The following ALDH1A1 variants were observed in gnomAD, a reference collection of about 807,000 sequenced individuals.
The protein encoded by ALDH1A1 is aldehyde dehydrogenase 1 family member A1, also known as aldehyde dehydrogenase 1A1.
In ALDH1A1, 19 loss-of-function variants were observed where a neutral mutation model predicts 62.1. The observed-to-expected ratio is 0.31, with a 90% CI of 0.21 to 0.45. The LOEUF (loss-of-function observed/expected upper bound fraction) is 0.45. Ranked by LOEUF, ALDH1A1 falls within the 20% of genes least tolerant of loss-of-function variation. The pLI is 1.00. For missense variants in ALDH1A1, 521 were observed against 607.1 expected, an observed-to-expected ratio of 0.86 and a Z score of 1.49; for synonymous variants, 231 against 215.9, an observed-to-expected ratio of 1.07 and a Z score of -0.61.
At chr9:72,931,227 C>T (rs559461247) in intron 2 of ALDH1A1, among the ~76,000 whole-genome samples, 290 of 152,184 alleles carry the variant, frequency 1.9e-3, no homozygotes, top group Non-Finnish European at 2.5e-3. Context: ...CTCCACGTAC[C>T]TAGCACATGC....
rs1564627907 is a variant in ALDH1A1 at position 72,917,104 on chromosome 9, A to C, written c.851T>G (p.Leu284Trp). 6.5e-7 allele frequency: 1 copy of C among 1,543,802 alleles called. No homozygotes were observed. The change falls in exon 9 of 13, where the codon TTG becomes TGG. Residue 284 changes from leucine (L) to tryptophan (W), a missense_variant and splice_region_variant. Coordinates refer to ENST00000297785, the MANE Select transcript of ALDH1A1 (RefSeq NM_000689.5). The part of the protein sequence containing the change: ...SPCIVLADAD[L>W]DNAVEFAHHG... ...GTGTGCAAATTCAACAGCATTGTCCACTGCGAAGAAGACATTCACATTAAA... is the reference window on the plus strand; with the variant it reads ...GTGTGCAAATTCAACAGCATTGTCCCCTGCGAAGAAGACATTCACATTAAA...
At chr9:72,920,930 T>A (rs1830132543) in intron 7 of ALDH1A1, among the ~76,000 whole-genome samples, 1 of 152,194 alleles carries the variant, frequency 6.6e-6, no homozygotes, top group Non-Finnish European at 1.5e-5. Flanking sequence ...ATGTCTTGCA[T>A]AATGTGGGTA....
intron 2 of ALDH1A1, among the ~76,000 whole-genome samples, chr9:72,934,804 T>C (rs1830328717): frequency 6.6e-6 from 1 of 152,170 alleles, no homozygotes; most frequent in Admixed American, 6.5e-5. Context: ...GGTTTATAAA[T>C]GAATAGACTA....
intron 2 of ALDH1A1, among the ~76,000 whole-genome samples, chr9:72,937,108 T>C (rs1830355593): frequency 6.6e-6 from 1 of 152,130 alleles, no homozygotes; most frequent in Non-Finnish European, 1.5e-5. Flanking sequence ...TAGTACTAAA[T>C]TCCTAAGGTG....
chr9:72,904,044 A>AT (rs1588128470), intron 12 of ALDH1A1, among the ~76,000 whole-genome samples: 1 of 152,094 alleles, frequency 6.6e-6, no homozygotes, highest in African/African-American at 2.4e-5. Flanking sequence ...GGGATTTAAT[A>AT]TTCAGTATGT....
At chr9:72,945,659 A>T (rs1830466210) in intron 1 of ALDH1A1, among the ~76,000 whole-genome samples, 1 of 151,936 alleles carries the variant, frequency 6.6e-6, no homozygotes, top group South Asian at 2.1e-4. Flanking sequence ...ATGAGATCGG[A>T]GATGAATAAT....
chr9:72,937,326 C>A (rs1830358144), intron 2 of ALDH1A1, among the ~76,000 whole-genome samples: 1 of 152,182 alleles, frequency 6.6e-6, no homozygotes, highest in Non-Finnish European at 1.5e-5. Flanking sequence ...GACAAATTAA[C>A]CTATAGCTGT....
intron 8 of ALDH1A1, among the ~76,000 whole-genome samples, chr9:72,917,418 A>G (rs1344573539): frequency 1.3e-5 from 2 of 152,096 alleles, no homozygotes; most frequent in Admixed American, 6.5e-5. Context: ...AATATCTCCA[A>G]TTATATAATT....
At chr9:72,940,317 ATAAACT>A in intron 1 of ALDH1A1, 65 bp from the exon 2 acceptor site, 1 of 1,186,268 alleles carries the variant, frequency 8.4e-7, no homozygotes, top group Non-Finnish European at 1.3e-6. Flanking sequence ...GGAAGTTTTC[ATAAACT>A]TAAACTAAAG....
chr9:72,903,651 G>T (rs1829835767), intron 12 of ALDH1A1, among the ~76,000 whole-genome samples: 1 of 149,952 alleles, frequency 6.7e-6, no homozygotes. Context: ...GTATTTGAAA[G>T]AAATTATCTA....
intron 1 of ALDH1A1, among the ~76,000 whole-genome samples, chr9:72,944,620 T>C (rs1201619895): frequency 2.6e-5 from 4 of 152,108 alleles, no homozygotes; most frequent in African/African-American, 9.7e-5. Context: ...GAATGTTTGT[T>C]ATAATAATTA....
At chr9:72,918,287 A>G (rs1830088563) in intron 8 of ALDH1A1, among the ~76,000 whole-genome samples, 1 of 152,202 alleles carries the variant, frequency 6.6e-6, no homozygotes, top group Non-Finnish European at 1.5e-5. Flanking sequence ...TGATCATTTC[A>G]TTTAATGAGT....
intron 9 of ALDH1A1, among the ~76,000 whole-genome samples, chr9:72,914,919 C>A (rs913165740): frequency 1.3e-5 from 2 of 152,060 alleles, no homozygotes; most frequent in African/African-American, 2.4e-5. Flanking sequence ...GTTCACTCAA[C>A]CACCCCTGGA....
intron 5 of ALDH1A1, chr9:72,926,878 T>C (rs1830218587): frequency 2.6e-6 from 1 of 383,386 alleles, no homozygotes; most frequent in African/African-American, 2.0e-5. Context: ...TTAACATTTA[T>C]GGATGATGTA....
Position 72,906,006 on chromosome 9 carries a change from G to A in ALDH1A1, c.1385C>T (p.Ala462Val), listed in dbSNP as rs1278070344. 2.5e-6 allele frequency: 4 copies of A among 1,611,964 alleles called. No homozygotes were observed. In the South Asian group the frequency reaches 4.4e-5, roughly 18 times the overall value. Residue 462 changes from alanine (A) to valine (V), a missense_variant, in exon 12 of 13, where the codon GCC becomes GTC. Physicochemically the swap from Ala to Val is moderately conservative, Grantham distance 64 (BLOSUM62 0). Coordinates refer to ENST00000297785, the MANE Select transcript of ALDH1A1 (RefSeq NM_000689.5). ...VWVNCYGVVS[A>V]QCPFGGFKMS... ...CTTGAATCCACCAAAGGGGCACTGG[G>A]CACTTACCACGCCATAGCAATTCAC...
intron 1 of ALDH1A1, among the ~76,000 whole-genome samples, chr9:72,941,979 A>C (rs941101506): frequency 9.9e-5 from 15 of 152,280 alleles, no homozygotes; most frequent in African/African-American, 3.6e-4. Flanking sequence ...TATATGGGGA[A>C]ATGAGAAAGA....
chr9:72,918,642 A>ATTTAAATTTAAAT, intron 8 of ALDH1A1, 78 bp downstream of exon 8: 1 of 233,916 alleles, frequency 4.3e-6, no homozygotes, highest in East Asian at 7.7e-5. Context: ...TTTTTTGTAA[A>ATTTAAATTTAAAT]GTTCAAGTTC....
intron 1 of ALDH1A1, among the ~76,000 whole-genome samples, chr9:72,945,669 TGAG>T (rs1389138956): frequency 3.3e-5 from 5 of 151,790 alleles, no homozygotes; most frequent in Non-Finnish European, 5.9e-5. Context: ...AGATGAATAA[TGAG>T]GAGGAGAGAC....
chr9:72,913,775 A>G (rs554981624), intron 9 of ALDH1A1, among the ~76,000 whole-genome samples: 1 of 152,366 alleles, frequency 6.6e-6, no homozygotes, highest in East Asian at 1.9e-4. Flanking sequence ...TACAACCAGC[A>G]GTTGTGGCAT....
Sources: gnomAD v4.1 joint callset for allele counts (sites outside exome capture counted in the v4.1 genomes callset) on GRCh38, gnomAD v4.1.1 for gene constraint, MANE v1.5 for transcripts, NCBI Gene and HGNC (gene_info 2026-07-23, HGNC 2026-07-21) for gene names.